Variants in MRTFA observed in about 807,000 individuals in gnomAD.
MRTFA encodes myocardin related transcription factor A.
Under a neutral mutation model 83.5 loss-of-function variants are expected in MRTFA, and 20 were observed. The observed-to-expected ratio is 0.24, with a 90% CI of 0.17 to 0.35. The LOEUF is 0.35. Among genes scored for constraint, MRTFA ranks in the 10% least tolerant of loss-of-function variants. The probability of loss-of-function intolerance (pLI) is 1.00; values close to 1 mark genes in which losing one functional copy is unlikely to be tolerated. For synonymous variants in MRTFA, 659 were observed against 541.2 expected, an observed-to-expected ratio of 1.22 and a Z score of -3.02; for missense variants, 1,200 against 1,224.7, an observed-to-expected ratio of 0.98 and a Z score of 0.30.
chr22:40,605,214 G>T (rs2056305904), intron 1 of MRTFA, among the ~76,000 whole-genome samples: 1 of 152,066 alleles, frequency 6.6e-6, no homozygotes, highest in African/African-American at 2.4e-5. Context: ...GATAAAACAT[G>T]GTCTCTGCTC....
At chr22:40,412,035 A>C (rs2052561468) in intron 14 of MRTFA, 128 bp from the exon 15 acceptor site, 3 of 736,386 alleles carry the variant, frequency 4.1e-6, no homozygotes, top group Non-Finnish European at 6.1e-6. Context: ...AGACTTACTT[A>C]AATGTAAGAG....
chr22:40,531,147 G>T (rs2055072331), intron 3 of MRTFA, among the ~76,000 whole-genome samples: 1 of 151,956 alleles, frequency 6.6e-6, no homozygotes, highest in African/African-American at 2.4e-5. Context: ...CGCCCCAGTT[G>T]GAGTAGAATG....
chr22:40,481,660 TATGACAAACCATAAAA>T (rs2054093018), intron 3 of MRTFA, among the ~76,000 whole-genome samples: 1 of 152,056 alleles, frequency 6.6e-6, no homozygotes, highest in African/African-American at 2.4e-5. Context: ...ACCTAAATAA[TATGACAAACCATAAAA>T]ATGATCTGGA....
chr22:40,477,556 T>C (rs909476508), intron 3 of MRTFA, among the ~76,000 whole-genome samples: 1 of 152,056 alleles, frequency 6.6e-6, no homozygotes, highest in Non-Finnish European at 1.5e-5. Context: ...AAGACCACAA[T>C]GTACATGAAA....
chr22:40,420,547 C>A lies in MRTFA; in HGVS notation c.1211G>T (p.Gly404Val). The change falls in exon 11 of 15, where the codon GGG becomes GTG. Residue 404 changes from glycine to valine, a missense_variant. Physicochemically the swap from Gly to Val is moderately radical, Grantham distance 109 (BLOSUM62 -3). Around this residue, in one of 2 missense-constraint regions of MRTFA, gnomAD observed 1,107 missense variants for 1,041.8 expected, o/e 1.06. Coordinates refer to ENST00000355630, the MANE Select transcript of MRTFA (RefSeq NM_020831.6). ...GGAGAGGCTGCGTACTGGGGGGGTC[C>A]CGCTGCTTCCCAGGGCCTCGCCTGC... 1.2e-6 allele frequency: 2 copies of A among 1,613,570 alleles called. No homozygotes were observed. Among genetic ancestry groups the A allele is most frequent in the Non-Finnish European group, 1.7e-6 (2 of 1,179,996 alleles).
At chr22:40,498,405 C>A (rs1175441120) in intron 3 of MRTFA, among the ~76,000 whole-genome samples, 4 of 148,140 alleles carry the variant, frequency 2.7e-5, no homozygotes, top group Non-Finnish European at 5.9e-5. Flanking sequence ...TCACCTCAGC[C>A]TCCCAAGTAG....
intron 3 of MRTFA, among the ~76,000 whole-genome samples, chr22:40,505,813 C>T (rs1302940422): frequency 6.6e-6 from 1 of 152,164 alleles, no homozygotes; most frequent in Non-Finnish European, 1.5e-5. Flanking sequence ...ACTTCTCAGC[C>T]TCTAGAACTA....
intron 3 of MRTFA, among the ~76,000 whole-genome samples, chr22:40,518,810 A>AAAC (rs1569308158): frequency 7.2e-6 from 1 of 139,060 alleles, no homozygotes; most frequent in Non-Finnish European, 1.5e-5. Flanking sequence ...AAAAAAAAAA[A>AAAC]AAAAAAAAAA....
chr22:40,592,538 G>A (rs2056137226), intron 2 of MRTFA, among the ~76,000 whole-genome samples: 1 of 150,506 alleles, frequency 6.6e-6, no homozygotes, highest in African/African-American at 2.4e-5. Flanking sequence ...ACCCAGGCTG[G>A]AATGCAGTGA....
chr22:40,435,649 C>G (rs1481197530), intron 4 of MRTFA, 95 bp from the exon 5 acceptor site: 6 of 1,418,058 alleles, frequency 4.2e-6, no homozygotes, highest in Non-Finnish European at 6.0e-6. Context: ...ATTCATGTTA[C>G]TGGCTGGGCG....
At chr22:40,631,389 T>C (rs182363947) in intron 1 of MRTFA, among the ~76,000 whole-genome samples, 4 of 152,278 alleles carry the variant, frequency 2.6e-5, no homozygotes, top group East Asian at 3.9e-4. Context: ...TTTTATTTAA[T>C]CCTCACAGCA....
At chr22:40,590,353 A>G (rs2056101969) in intron 2 of MRTFA, among the ~76,000 whole-genome samples, 2 of 152,086 alleles carry the variant, frequency 1.3e-5, no homozygotes, top group Admixed American at 1.3e-4. Flanking sequence ...AGACAAACCA[A>G]CATGGTAGGT....
intron 1 of MRTFA, among the ~76,000 whole-genome samples, chr22:40,615,307 T>G (rs1310862511): frequency 6.6e-6 from 1 of 152,248 alleles, no homozygotes; most frequent in African/African-American, 2.4e-5. Flanking sequence ...ACTATATATG[T>G]ATGTATCTAT....
At chr22:40,414,324 C>CAGAGTG (rs113146374) in intron 14 of MRTFA, among the ~76,000 whole-genome samples, 14,740 of 152,174 alleles carry the variant, frequency 0.097, 1,265 homozygotes, top group African/African-American at 0.23. Flanking sequence ...ATCTGGGCAA[C>CAGAGTG]AGACTCCGTC....
intron 3 of MRTFA, among the ~76,000 whole-genome samples, chr22:40,510,001 A>C (rs1229631955): frequency 6.6e-6 from 1 of 151,532 alleles, no homozygotes; most frequent in Non-Finnish European, 1.5e-5. Context: ...AAAAAAAGTG[A>C]AGTTAATACT....
chr22:40,484,854 C>T (rs1166743847), intron 3 of MRTFA, among the ~76,000 whole-genome samples: 1 of 151,804 alleles, frequency 6.6e-6, no homozygotes, highest in Non-Finnish European at 1.5e-5. Context: ...AGGCGGATCA[C>T]GAGGTCAGGA....
At chr22:40,617,739 G>GA (rs1247523040) in intron 1 of MRTFA, among the ~76,000 whole-genome samples, 49 of 125,598 alleles carry the variant, frequency 3.9e-4, no homozygotes, top group African/African-American at 1.3e-3. Flanking sequence ...AAAAAAAAAA[G>GA]AAAAAAAAAG....
At chr22:40,595,987 C>T (rs992062256) in intron 1 of MRTFA, among the ~76,000 whole-genome samples, 1 of 150,712 alleles carries the variant, frequency 6.6e-6, no homozygotes, top group African/African-American at 2.4e-5. Flanking sequence ...TCTCCCATCT[C>T]CCTGGCCCTG....
chr22:40,604,457 C>A (rs1390620265), intron 1 of MRTFA, among the ~76,000 whole-genome samples: 1 of 151,268 alleles, frequency 6.6e-6, no homozygotes. Flanking sequence ...CTAAGACATA[C>A]CTAAATACTG....
Sources: allele counts gnomAD v4.1 joint callset (sites outside exome capture counted in the v4.1 genomes callset), GRCh38; gene constraint gnomAD v4.1.1; regional missense constraint gnomAD v4.1.1; transcripts MANE v1.5; gene names NCBI Gene and HGNC (gene_info 2026-07-23, HGNC 2026-07-21).